Variants in RFX2 observed in about 807,000 individuals in gnomAD.
The protein encoded by RFX2 is regulatory factor X2, also known as DNA-binding protein RFX2.
A neutral mutation model predicts 87.8 loss-of-function variants in RFX2; 20 were observed. The ratio of observed to expected loss-of-function variants is 0.23; its 90% CI spans 0.16 to 0.33. The LOEUF is 0.33. Among genes scored for constraint, RFX2 ranks in the 10% least tolerant of loss-of-function variants. The pLI is 1.00. For synonymous variants in RFX2, 397 were observed against 431.3 expected (o/e 0.92, Z 0.98); for missense variants, 767 against 1,012.3 (o/e 0.76, Z 3.29).
Position 6,026,113 on chromosome 19 carries a change from C to T in RFX2, c.597+50G>A. On this transcript the variant is annotated intron_variant, in intron 6 of 17. Transcript: ENST00000303657. The surrounding 1 kb of genome is among the most constrained non-coding windows in gnomAD (Gnocchi z 4.5). ...TTCATTTGTCTTAAAAATGTCTATG[C>T]AGGTTACAAGCAGAGCAGGGACAGG... 1 of 1,473,716 alleles carries T rather than the reference C, an allele frequency of 6.8e-7. No individual in the cohort carries two copies. The highest frequency in any genetic ancestry group is 9.4e-7 in the Non-Finnish European group (1 of 1,058,342). The allele number at this position is 1,473,716 out of a possible 1,614,324, so 91.3% of individuals were successfully genotyped here.
chr19:6,016,028 A>C lies in RFX2; in HGVS notation c.779+62T>G. ...GGAGGAGGAAGCCTCGCATTTTCCC[A>C]AAAGCTCCATTTCTTGGGAAAGGAA... On this transcript the variant is annotated intron_variant, in intron 7 of 17. Coordinates refer to ENST00000303657, the MANE Select transcript of RFX2 (RefSeq NM_000635.4). This position sits in a 1 kb window ranked among gnomAD's most constrained non-coding sequence, Gnocchi z 5.4. The C allele has an allele frequency of 6.8e-7, 1 of 1,480,624 alleles. No individual in the cohort carries two copies. The highest frequency in any genetic ancestry group is 9.1e-7 in the Non-Finnish European group (1 of 1,100,872). The allele number at this position is 1,480,624 out of a possible 1,614,324, so 91.7% of individuals were successfully genotyped here. A position where few individuals can be genotyped will look rare whatever the true frequency, so the allele number is the denominator to read the frequency against.
Position 6,026,193 on chromosome 19 carries a change from T to C in RFX2, c.567A>G (p.Thr189=), listed in dbSNP as rs760114844. 2 of 1,613,846 alleles carry C rather than the reference T, an allele frequency of 1.2e-6. No homozygotes were observed. The highest frequency in any genetic ancestry group is 1.7e-6 in the Non-Finnish European group (2 of 1,180,000). ...IENLQKSEGI[T]SHKSGLLNSH... ...TGTTGAGTAAACCGCTTTTGTGTGATGTGATTCCTTCGCTTTTTTGGAGGT... is the reference window on the plus strand; with the variant it reads ...TGTTGAGTAAACCGCTTTTGTGTGACGTGATTCCTTCGCTTTTTTGGAGGT... The change falls in exon 6 of 18, where the codon ACA becomes ACG. Residue 189 remains threonine, a synonymous_variant. Coordinates refer to ENST00000303657, the MANE Select transcript of RFX2 (RefSeq NM_000635.4). This position sits in a 1 kb window ranked among gnomAD's most constrained non-coding sequence, Gnocchi z 4.5.
At chr19:6,025,141 C>G (rs190678661) in intron 6 of RFX2, among the ~76,000 whole-genome samples, 9 of 152,280 alleles carry the variant, frequency 5.9e-5, no homozygotes, top group Non-Finnish European at 1.2e-4. Context: ...CAGCTATGTG[C>G]AAAACCGAAT....
chr19:6,000,067 C>G (rs2086470710), intron 15 of RFX2, among the ~76,000 whole-genome samples: 1 of 152,028 alleles, frequency 6.6e-6, no homozygotes. Context: ...TCATTGCAAC[C>G]TCTGCCTCCC....
intron 1 of RFX2, among the ~76,000 whole-genome samples, chr19:6,094,229 CTTTT>C (rs151073870): frequency 0.023 from 3,424 of 151,726 alleles, 132 homozygotes; most frequent in African/African-American, 0.079. Context: ...GCCAGAGGCT[CTTTT>C]TTTCTTTTTT....
rs754095967 is a variant in RFX2 at position 6,063,639 on chromosome 19, C to A, written c.-8-16135G>T. Reference sequence around the variant, plus strand: ...AGCAGCCAGCAGCTCCAAAGGGGATCCCAGGCAAGTGATGAGCAGTGGGGA... The same window carrying A: ...AGCAGCCAGCAGCTCCAAAGGGGATACCAGGCAAGTGATGAGCAGTGGGGA... On this transcript the variant is annotated intron_variant, in intron 1 of 17. Coordinates refer to ENST00000303657, the MANE Select transcript of RFX2 (RefSeq NM_000635.4). The surrounding 1 kb of genome is among the most constrained non-coding windows in gnomAD (Gnocchi z 4.0). 3.9e-5 allele frequency among the ~76,000 whole-genome samples: 6 copies of A among 152,196 alleles called. No homozygotes were observed. The highest frequency in any genetic ancestry group is 1.4e-4 in the African/African-American group (6 of 41,442).
chr19:6,044,149 T>C lies in RFX2; in HGVS notation c.180+44A>G, dbSNP rs1422103981. The C allele has an allele frequency of 2.5e-6, 3 of 1,222,348 alleles. No individual in the cohort carries two copies. Among genetic ancestry groups the C allele is most frequent in the Non-Finnish European group, 3.3e-6 (3 of 920,970 alleles). 75.7% of individuals were successfully genotyped at this position (1,222,348 alleles called of 1,614,324 possible). ...GAGATTGTTCTGGATTGCTGAGTGC[T>C]AACTGCGCCCCGGTTTGCACGGTGC... On this transcript the variant is annotated intron_variant, in intron 3 of 17. Transcript: ENST00000303657. The surrounding 1 kb of genome is among the most constrained non-coding windows in gnomAD (Gnocchi z 5.3).
intron 1 of RFX2, among the ~76,000 whole-genome samples, chr19:6,090,196 G>A (rs780930819): frequency 4.6e-5 from 7 of 151,924 alleles, no homozygotes; most frequent in Non-Finnish European, 8.8e-5. Flanking sequence ...TTGAACTACT[G>A]AGCTCAAGTG....
intron 13 of RFX2, among the ~76,000 whole-genome samples, chr19:6,003,441 G>A (rs577880922): frequency 6.6e-6 from 1 of 152,150 alleles, no homozygotes; most frequent in South Asian, 2.1e-4. Flanking sequence ...GAGCAGGCGG[G>A]TGCCCTGCAG....
chr19:6,100,253 T>G (rs1272628004), intron 1 of RFX2, among the ~76,000 whole-genome samples: 1 of 152,122 alleles, frequency 6.6e-6, no homozygotes, highest in African/African-American at 2.4e-5. Flanking sequence ...GGGGCTGGAC[T>G]GAAGGAAGCC....
intron 5 of RFX2, among the ~76,000 whole-genome samples, chr19:6,031,967 C>T (rs1436294958): frequency 5.9e-5 from 9 of 152,016 alleles, no homozygotes; most frequent in Admixed American, 3.3e-4. Flanking sequence ...TATGGAGACA[C>T]GAGACAGAGA....
At chr19:6,066,125 G>A (rs1419205348) in intron 1 of RFX2, among the ~76,000 whole-genome samples, 1 of 152,160 alleles carries the variant, frequency 6.6e-6, no homozygotes, top group Non-Finnish European at 1.5e-5. Flanking sequence ...GGAGGTGGGG[G>A]AGTGAGGCTG....
intron 5 of RFX2, among the ~76,000 whole-genome samples, chr19:6,038,328 GAAA>G (rs55857624): frequency 1.1e-3 from 65 of 61,082 alleles, no homozygotes; most frequent in Middle Eastern, 0.017. Flanking sequence ...CTCCGTCTCA[GAAA>G]AAAAAAAAAA....
At chr19:6,037,993 T>C (rs1414051395) in intron 5 of RFX2, among the ~76,000 whole-genome samples, 1 of 152,170 alleles carries the variant, frequency 6.6e-6, no homozygotes, top group Admixed American at 6.5e-5. Flanking sequence ...CCTTACATTA[T>C]ACAAATGTTA....
chr19:6,008,193 C>A lies in RFX2; in HGVS notation c.1047G>T (p.Ala349=). The change falls in exon 10 of 18, where the codon GCG becomes GCT. Residue 349 remains alanine, a synonymous_variant. Coordinates refer to ENST00000303657, the MANE Select transcript of RFX2 (RefSeq NM_000635.4). ...DVSHVFPEFP[A]PDLGSFLLQD... ...GCAGCAGGAAGCTGCCCAGGTCGGG[C>A]GCTGGGAACTCGGGGAAGACGTGGG... is the stretch of plus-strand genomic sequence containing the variant. 1 of 1,560,072 alleles carries A rather than the reference C, an allele frequency of 6.4e-7. No homozygotes were observed. The highest frequency in any genetic ancestry group is 1.2e-5 in the South Asian group (1 of 84,952).
At position 6,021,909 on chromosome 19, in the gene RFX2, C is replaced by T. The variant is rs1433051130; in HGVS notation, c.597+4254G>A. Among the ~76,000 whole-genome samples, 5 of 152,020 alleles carry T rather than the reference C, an allele frequency of 3.3e-5. No homozygotes were observed. The highest frequency in any genetic ancestry group is 2.1e-4 in the South Asian group (1 of 4,814). On this transcript the variant is annotated intron_variant, in intron 6 of 17. Coordinates refer to ENST00000303657, the MANE Select transcript of RFX2 (RefSeq NM_000635.4). The surrounding 1 kb of genome is among the most constrained non-coding windows in gnomAD (Gnocchi z 5.7). ...TGCTGACGGCTGGCTAGGAGGTGGC[C>T]GAAAGAATCCACAGGGACAGTGGCG...
At chr19:6,099,210 T>C (rs1172337659) in intron 1 of RFX2, among the ~76,000 whole-genome samples, 5 of 152,234 alleles carry the variant, frequency 3.3e-5, no homozygotes, top group Admixed American at 3.3e-4. Flanking sequence ...GCCACTGCAA[T>C]GGGCTGGGAC....
intron 16 of RFX2, among the ~76,000 whole-genome samples, chr19:5,995,930 G>A (rs1018010273): frequency 2.6e-5 from 4 of 152,214 alleles, no homozygotes; most frequent in African/African-American, 4.8e-5. Flanking sequence ...CGGCTGCTCC[G>A]GGTTTTAAGG....
At chr19:6,069,743 A>G (rs1463868744) in intron 1 of RFX2, among the ~76,000 whole-genome samples, 1 of 152,216 alleles carries the variant, frequency 6.6e-6, no homozygotes, top group East Asian at 1.9e-4. Context: ...AGTGTGTGCA[A>G]AAGCCACAGA....
Sources: allele counts gnomAD v4.1 joint callset (sites outside exome capture counted in the v4.1 genomes callset), GRCh38; gene constraint gnomAD v4.1.1; non-coding constraint Gnocchi (gnomAD v3.1); transcripts MANE v1.5; gene names NCBI Gene and HGNC (gene_info 2026-07-23, HGNC 2026-07-21).